The following CLSPN variants were observed in gnomAD, a reference collection of about 807,000 sequenced individuals.
CLSPN encodes claspin homolog.
In CLSPN, 85 loss-of-function variants were observed where a neutral mutation model predicts 156.3. The ratio of observed to expected loss-of-function variants is 0.54; its 90% CI spans 0.46 to 0.65. CLSPN has a LOEUF of 0.65. Among genes scored for constraint, CLSPN ranks in the 30% least tolerant of loss-of-function variants. The probability of loss-of-function intolerance (pLI) is 0.00; values close to 1 mark genes in which losing one functional copy is unlikely to be tolerated. For synonymous variants in CLSPN, 534 were observed against 542.4 expected, an observed-to-expected ratio of 0.98 and a Z score of 0.22; for missense variants, 1,407 against 1,554.9, an observed-to-expected ratio of 0.90 and a Z score of 1.60.
intron 8 of CLSPN, among the ~76,000 whole-genome samples, chr1:35,757,852 C>G (rs990673113): frequency 6.6e-6 from 1 of 152,230 alleles, no homozygotes; most frequent in Non-Finnish European, 1.5e-5. Flanking sequence ...CACCACCATG[C>G]AGAGTTCTTT....
chr1:35,736,886 C>A, intron 24 of CLSPN, 28 bp downstream of exon 24: 1 of 1,590,390 alleles, frequency 6.3e-7, no homozygotes, highest in Non-Finnish European at 8.5e-7. Flanking sequence ...GTTTGGGAAG[C>A]CACCATATTA....
rs370629561 is a variant in CLSPN, at chr1:35,737,354, T to C, written c.3732A>G (p.Pro1244=). Residue 1244 remains proline, a synonymous_variant, in exon 23 of 25, where the codon CCA becomes CCG. Coordinates refer to ENST00000318121, the MANE Select transcript of CLSPN (RefSeq NM_022111.4). ...LLRNPFEAIR[P]GSAQQVKTGS... ...CCCAACCAACCTGTTGAGCACTTCC[T>C]GGTCTGATGGCTTCAAAAGGATTTC... 35 of 1,613,910 alleles carry C rather than the reference T, an allele frequency of 2.2e-5. No homozygotes were observed. The highest frequency in any genetic ancestry group is 2.1e-5 in the Non-Finnish European group (25 of 1,179,882).
At chr1:35,737,782 G>C in intron 22 of CLSPN, 1 of 444,248 alleles carries the variant, frequency 2.3e-6, no homozygotes, top group Non-Finnish European at 4.0e-6. Context: ...AGTAAAACCA[G>C]CCACATATAC....
At chr1:35,745,999 G>A (rs1571202741) in intron 15 of CLSPN, among the ~76,000 whole-genome samples, 1 of 151,794 alleles carries the variant, frequency 6.6e-6, no homozygotes, top group South Asian at 2.1e-4. Context: ...AGGCTGGAGT[G>A]CAGTGGCACA....
chr1:35,724,474 A>G (rs1459430389), intron 24 of CLSPN, among the ~76,000 whole-genome samples: 1 of 152,210 alleles, frequency 6.6e-6, no homozygotes, highest in Non-Finnish European at 1.5e-5. Context: ...TCCTGGGGAC[A>G]GCAGGGAAGT....
Position 35,733,680 on chromosome 1 carries a change from C to T in CLSPN, c.*2816G>A. ...TACAAACTTAGCTAAAGAGAAAGGC[C>T]AATCAAAGCTGTAACAGGCTGGGCA... On this transcript the variant is annotated 3_prime_UTR_variant, in exon 25 of 25. Transcript: ENST00000318121. 2.0e-5 allele frequency: 20 copies of T among 985,386 alleles called. No homozygotes were observed. Among genetic ancestry groups the T allele is most frequent in the Non-Finnish European group, 2.3e-5 (19 of 829,924 alleles). 61.0% of individuals were successfully genotyped at this position (985,386 alleles called of 1,614,324 possible).
rs1026119525 is a variant in CLSPN, at chr1:35,764,354, G to C, written c.494C>G (p.Ala165Gly). 43 of 1,604,002 alleles carry C rather than the reference G, an allele frequency of 2.7e-5. No individual in the cohort carries two copies. Among genetic ancestry groups the C allele is most frequent in the Non-Finnish European group, 3.4e-5 (40 of 1,176,618 alleles). Reference sequence around the variant, plus strand: ...AAGTCTTCTTTTTGATTTTACTTTTGCTTTTCCTGCAGTTCCTTCTTTATC... The same window carrying C: ...AAGTCTTCTTTTTGATTTTACTTTTCCTTTTCCTGCAGTTCCTTCTTTATC... Reference protein sequence around the residue: ...IHDKEGTAGKAKVKSKRRLEK... With the variant: ...IHDKEGTAGKGKVKSKRRLEK... Residue 165 changes from alanine (A) to glycine (G), a missense_variant, in exon 3 of 25, where the codon GCA (alanine) becomes GGA (glycine). Around this residue, in one of 3 missense-constraint regions of CLSPN, gnomAD observed 1,096 missense variants for 1,193.0 expected, o/e 0.92. Transcript: ENST00000318121.
rs1557501142 is a variant in CLSPN at position 35,738,116 on chromosome 1, ATATATATAT to A, written c.3559-28_3559-20del. On this transcript the variant is annotated intron_variant, in intron 21 of 24. Coordinates refer to ENST00000318121, the MANE Select transcript of CLSPN (RefSeq NM_022111.4). ...GCTGTGCCTGAAAAAAAAAAAAAAT[ATATATATAT>A]ATATATATATATATACAGCATTAAA... 2.9e-4 allele frequency: 61 copies of A among 212,094 alleles called. 1 individual carries two copies. The highest frequency in any genetic ancestry group is 1.3e-3 in the East Asian group (7 of 5,240). The allele number at this position is 212,094 out of a possible 1,614,324, so 13.1% of individuals were successfully genotyped here. A position where few individuals can be genotyped will look rare whatever the true frequency, so the allele number is the denominator to read the frequency against.
At chr1:35,737,558 T>G in intron 22 of CLSPN, 137 bp from the exon 23 acceptor site, 1 of 622,642 alleles carries the variant, frequency 1.6e-6, no homozygotes, top group Admixed American at 2.8e-5. Flanking sequence ...AATGGTGACT[T>G]TCAAACTATA....
rs568090138 is a variant in CLSPN, at chr1:35,741,490, A to G, written c.3143+1651T>C. ...GGCCATCACGCTTGGCTAATTTTGT[A>G]TTTTTAGTAGAGACGGGGTCTCGCC... On this transcript the variant is annotated intron_variant, in intron 18 of 24. Transcript: ENST00000318121. Among the ~76,000 whole-genome samples, 9 of 151,912 alleles carry G rather than the reference A, an allele frequency of 5.9e-5. No individual in the cohort carries two copies. In the South Asian group the frequency reaches 1.9e-3, roughly 32 times the overall value.
At chr1:35,755,716 T>G (rs1462798800) in intron 8 of CLSPN, among the ~76,000 whole-genome samples, 1 of 152,062 alleles carries the variant, frequency 6.6e-6, no homozygotes, top group African/African-American at 2.4e-5. Context: ...CACTTTTCAT[T>G]TGTCTTTTTA....
chr1:35,766,514 G>A (rs1642681194), intron 1 of CLSPN, among the ~76,000 whole-genome samples: 1 of 151,736 alleles, frequency 6.6e-6, no homozygotes, highest in South Asian at 2.1e-4. Context: ...GCGCGATCTC[G>A]GCTCACCGCA....
In CLSPN at chr1:35,733,353, C is replaced by A; in HGVS notation, c.*3143G>T. ...TTTTTTTTTTAGAGTTGGGATTTCA[C>A]CATGTTTCCCAGGCTGGTCTCGAAC... On this transcript the variant is annotated 3_prime_UTR_variant, in exon 25 of 25. Coordinates refer to ENST00000318121, the MANE Select transcript of CLSPN (RefSeq NM_022111.4). 10 of 219,352 alleles carry A rather than the reference C, an allele frequency of 4.6e-5. No homozygotes were observed. The highest frequency in any genetic ancestry group is 6.6e-5 in the Non-Finnish European group (9 of 137,106). The allele number at this position is 219,352 out of a possible 1,614,324, so 13.6% of individuals were successfully genotyped here. A position where few individuals can be genotyped will look rare whatever the true frequency, so the allele number is the denominator to read the frequency against.
Position 35,763,234 on chromosome 1 carries a change from T to C in CLSPN, c.670A>G (p.Asn224Asp). 1 of 1,609,940 alleles carries C rather than the reference T, an allele frequency of 6.2e-7. No individual in the cohort carries two copies. The highest frequency in any genetic ancestry group is 1.1e-5 in the South Asian group (1 of 90,304). ...LFETGLEDEN[N>D]SPLEDEESLE... ...GACTCTTCATCTTCCAATGGAGAGT[T>C]ATTTTCATCCTCCAACCCAGTTTCA... Residue 224 changes from asparagine (N) to aspartate (D), a missense_variant, in exon 4 of 25, where the codon AAC (asparagine) becomes GAC (aspartate). By Grantham distance (23) the Asn-to-Asp change is conservative. Around this residue, in one of 3 missense-constraint regions of CLSPN, gnomAD observed 1,096 missense variants for 1,193.0 expected, o/e 0.92. Transcript: ENST00000318121.
intron 1 of CLSPN, among the ~76,000 whole-genome samples, chr1:35,769,250 C>T (rs1384815073): frequency 6.6e-6 from 1 of 152,194 alleles, no homozygotes; most frequent in African/African-American, 2.4e-5. Flanking sequence ...CCAGAAAGGA[C>T]ACAGCTCTGG....
At position 35,765,232 on chromosome 1, in the gene CLSPN, G is replaced by C; in HGVS notation, c.119C>G (p.Pro40Arg). 4 of 1,610,454 alleles carry C rather than the reference G, an allele frequency of 2.5e-6. No homozygotes were observed. Among genetic ancestry groups the C allele is most frequent in the East Asian group, 2.2e-5 (1 of 44,768 alleles). The change falls in exon 2 of 25, where the codon CCC becomes CGC. Residue 40 changes from proline (P) to arginine (R), a missense_variant. Transcript: ENST00000318121. ...SGQGSYETIGPLSEGDSDEEI... is the reference protein window; with the variant it reads ...SGQGSYETIGRLSEGDSDEEI... ...CTATTACAAACCTCCTTCACTCAAG[G>C]GTCCAATTGTTTCATAGCTGCCCTG...
At position 35,744,531 on chromosome 1, in the gene CLSPN, A is replaced by G. The variant is rs1641808337; in HGVS notation, c.2966+920T>C. Among the ~76,000 whole-genome samples, 4 of 152,186 alleles carry G rather than the reference A, an allele frequency of 2.6e-5. No individual in the cohort carries two copies. In the South Asian group the frequency reaches 8.3e-4, roughly 32 times the overall value. On this transcript the variant is annotated intron_variant, in intron 16 of 24. Transcript: ENST00000318121. ...GGCTGGTCTCAAACTCCTGAGCTCA[A>G]GTGATGCGCCCACCTCAGCCACCCA...
At chr1:35,748,206 G>T in intron 13 of CLSPN, 145 bp from the exon 14 acceptor site, 1 of 1,029,402 alleles carries the variant, frequency 9.7e-7, no homozygotes, top group Non-Finnish European at 1.4e-6. Flanking sequence ...GCCATGAGAA[G>T]CATAAAGAAA....
chr1:35,740,472 G>A (rs1192287988), intron 18 of CLSPN, among the ~76,000 whole-genome samples: 2 of 150,758 alleles, frequency 1.3e-5, no homozygotes, highest in African/African-American at 2.4e-5. Flanking sequence ...AGGCTGGAGT[G>A]CAGAGATGCC....
Sources: allele counts gnomAD v4.1 joint callset (sites outside exome capture counted in the v4.1 genomes callset), GRCh38; gene constraint gnomAD v4.1.1; regional missense constraint gnomAD v4.1.1; transcripts MANE v1.5; gene names NCBI Gene and HGNC (gene_info 2026-07-23, HGNC 2026-07-21).